Variants in DARS1 observed in about 807,000 individuals in gnomAD.
DARS1 encodes the protein aspartyl-tRNA synthetase 1, also known as aspartate--tRNA ligase, cytoplasmic.
In DARS1, 51 loss-of-function variants were observed where a neutral mutation model predicts 68.8. That is an observed-to-expected ratio of 0.74 (90% CI 0.59 to 0.94). The LOEUF (loss-of-function observed/expected upper bound fraction) is 0.94, where lower values mean the gene tolerates loss of function less well. Ranked by LOEUF, DARS1 falls within the 40% of genes least tolerant of loss-of-function variation. The pLI is 0.00. For missense variants in DARS1, 607 were observed against 597.3 expected (o/e 1.02, Z -0.17); for synonymous variants, 203 against 190.4 (o/e 1.07, Z -0.55).
intron 4 of DARS1, among the ~76,000 whole-genome samples, chr2:135,947,934 T>C (rs1681763339): frequency 6.6e-6 from 1 of 152,218 alleles, no homozygotes; most frequent in Non-Finnish European, 1.5e-5. Context: ...CTGATGTATC[T>C]TGATGTTTTG....
At chr2:135,955,465 G>C (rs1681951071) in intron 4 of DARS1, among the ~76,000 whole-genome samples, 1 of 151,958 alleles carries the variant, frequency 6.6e-6, no homozygotes, top group Admixed American at 6.6e-5. Context: ...CCATAAAGTT[G>C]TCACACACCA....
At chr2:135,924,356 T>G in intron 8 of DARS1, 31 bp downstream of exon 8, 1 of 1,551,768 alleles carries the variant, frequency 6.4e-7, no homozygotes, top group Non-Finnish European at 8.6e-7. Context: ...AATTTATTTT[T>G]AAAAATTAAG....
chr2:135,943,515 T>C (rs768864891), intron 4 of DARS1, 35 bp from the exon 5 acceptor site: 24 of 1,603,648 alleles, frequency 1.5e-5, no homozygotes, highest in Non-Finnish European at 2.0e-5. Flanking sequence ...TTGAATCATC[T>C]CATCAGAGGT....
Position 135,911,581 on chromosome 2 carries a change from G to A in DARS1, c.1231-88C>T, listed in dbSNP as rs1309874243. 9 of 668,844 alleles carry A rather than the reference G, an allele frequency of 1.3e-5. No individual in the cohort carries two copies. In the Admixed American group the frequency reaches 1.6e-4, roughly 12 times the overall value. The allele number at this position is 668,844 out of a possible 1,614,324, so 41.4% of individuals were successfully genotyped here. On this transcript the variant is annotated intron_variant, in intron 13 of 15. Coordinates refer to ENST00000264161, the MANE Select transcript of DARS1 (RefSeq NM_001349.4). Reference sequence around the variant, plus strand: ...GAAAAAAATCTCTGCTGCATGAAGAGCAAGTTCATTTTTTCCTACAATTAA... The same window carrying A: ...GAAAAAAATCTCTGCTGCATGAAGAACAAGTTCATTTTTTCCTACAATTAA...
chr2:135,957,381 C>G lies in DARS1; in HGVS notation c.320+4015G>C, dbSNP rs536523472. Among the ~76,000 whole-genome samples the G allele has an allele frequency of 7.9e-5, 12 of 152,312 alleles. 1 individual carries two copies. In the South Asian group the frequency reaches 2.1e-3, roughly 26 times the overall value. On this transcript the variant is annotated intron_variant, in intron 4 of 15. Transcript: ENST00000264161. ...TAGCTGGGACTACATGTGCCCGCCA[C>G]CATGCCTGGCTAATTTTTTGTATTT...
At chr2:135,957,363 G>C (rs1181392235) in intron 4 of DARS1, among the ~76,000 whole-genome samples, 4 of 152,058 alleles carry the variant, frequency 2.6e-5, no homozygotes, top group Non-Finnish European at 5.9e-5. Context: ...GAGTAGCTGG[G>C]ACTACATGTG....
At chr2:135,937,656 T>TC (rs1681499996) in intron 5 of DARS1, among the ~76,000 whole-genome samples, 1 of 152,208 alleles carries the variant, frequency 6.6e-6, no homozygotes, top group Admixed American at 6.5e-5. Flanking sequence ...GTTTAGTGCC[T>TC]CCTTCAGGAG....
At position 135,977,483 on chromosome 2, in the gene DARS1, T is replaced by G. The variant is rs548737104; in HGVS notation, c.217+1791A>C. Among the ~76,000 whole-genome samples the G allele has an allele frequency of 1.1e-4, 17 of 152,312 alleles. No individual in the cohort carries two copies. The East Asian group carries it at 3.3e-3, about 29-fold the overall frequency. On this transcript the variant is annotated intron_variant, in intron 3 of 15. Coordinates refer to ENST00000264161, the MANE Select transcript of DARS1 (RefSeq NM_001349.4). Reference sequence around the variant, plus strand: ...GTTCAGGCTTACTTGTAGCATGCATTCTATCTTTTAATTTGCTAAATTACT... The same window carrying G: ...GTTCAGGCTTACTTGTAGCATGCATGCTATCTTTTAATTTGCTAAATTACT...
rs1341466514 is a variant in DARS1, at chr2:135,911,116, T to C, written c.1414+23A>G. On this transcript the variant is annotated intron_variant, in intron 15 of 15. Coordinates refer to ENST00000264161, the MANE Select transcript of DARS1 (RefSeq NM_001349.4). Reference sequence around the variant, plus strand: ...TATACTTAGAACTTATGAACTTATTTGTAAGCAATAACAGAATATTACCAA... The same window carrying C: ...TATACTTAGAACTTATGAACTTATTCGTAAGCAATAACAGAATATTACCAA... 3 of 1,055,694 alleles carry C rather than the reference T, an allele frequency of 2.8e-6. No individual in the cohort carries two copies. The African/African-American group carries it at 4.7e-5, about 17-fold the overall frequency. 65.4% of individuals were successfully genotyped at this position (1,055,694 alleles called of 1,614,324 possible).
At chr2:135,919,137 T>A (rs1281858205) in intron 10 of DARS1, among the ~76,000 whole-genome samples, 1 of 152,252 alleles carries the variant, frequency 6.6e-6, no homozygotes, top group East Asian at 1.9e-4. Flanking sequence ...TTCAAGTGAT[T>A]CCCCTGCCTC....
intron 8 of DARS1, among the ~76,000 whole-genome samples, chr2:135,923,242 A>G (rs1681142516): frequency 6.6e-6 from 1 of 152,026 alleles, no homozygotes; most frequent in South Asian, 2.1e-4. Flanking sequence ...TATATTCTTC[A>G]TCATTTTTCC....
chr2:135,908,021 A>G (rs1680823989), intron 15 of DARS1, among the ~76,000 whole-genome samples: 2 of 152,334 alleles, frequency 1.3e-5, no homozygotes, highest in South Asian at 4.1e-4. Context: ...TATTGATAGG[A>G]AACAAGTTAC....
At chr2:135,967,734 A>T (rs1682269164) in intron 3 of DARS1, among the ~76,000 whole-genome samples, 1 of 152,122 alleles carries the variant, frequency 6.6e-6, no homozygotes, top group Non-Finnish European at 1.5e-5. Flanking sequence ...TAGGATTTTG[A>T]CACTTCCATT....
intron 5 of DARS1, among the ~76,000 whole-genome samples, chr2:135,935,767 A>C (rs1476810178): frequency 6.6e-6 from 1 of 152,110 alleles, no homozygotes; most frequent in Non-Finnish European, 1.5e-5. Flanking sequence ...GTTAACCCAA[A>C]CTATGTCTGG....
intron 3 of DARS1, among the ~76,000 whole-genome samples, chr2:135,970,034 G>A (rs1397462805): frequency 6.6e-6 from 1 of 152,114 alleles, no homozygotes; most frequent in African/African-American, 2.4e-5. Flanking sequence ...GTCTTCTTGT[G>A]CTTCCGAACT....
Position 135,920,622 on chromosome 2 carries a change from T to G in DARS1, c.812-22A>C, listed in dbSNP as rs755273261. The G allele has an allele frequency of 3.2e-6, 5 of 1,561,306 alleles. No homozygotes were observed. In the East Asian group the frequency reaches 1.1e-4, roughly 36 times the overall value. ...AATACTGTGAAGTTAATAAAAGAAA[T>G]AGAGAGCAAACACTGATTTCAATTT... On this transcript the variant is annotated intron_variant, in intron 9 of 15. Coordinates refer to ENST00000264161, the MANE Select transcript of DARS1 (RefSeq NM_001349.4).
intron 4 of DARS1, among the ~76,000 whole-genome samples, chr2:135,951,760 AC>A (rs1432111610): frequency 6.6e-6 from 1 of 152,240 alleles, no homozygotes; most frequent in Admixed American, 6.5e-5. Flanking sequence ...ATCTGGTGTT[AC>A]AACTTTCCCT....
At chr2:135,958,355 A>T (rs956458147) in intron 4 of DARS1, among the ~76,000 whole-genome samples, 1 of 152,232 alleles carries the variant, frequency 6.6e-6, no homozygotes, top group African/African-American at 2.4e-5. Flanking sequence ...TAAATGTATG[A>T]AAGCTACCTT....
intron 8 of DARS1, 73 bp downstream of exon 8, chr2:135,924,314 T>G: frequency 2.1e-6 from 3 of 1,419,980 alleles, no homozygotes; most frequent in Non-Finnish European, 2.8e-6. Flanking sequence ...AGTTAAAAAT[T>G]TTATTAATAT....
Sources: allele counts gnomAD v4.1 joint callset (sites outside exome capture counted in the v4.1 genomes callset), GRCh38; gene constraint gnomAD v4.1.1; transcripts MANE v1.5; gene names NCBI Gene and HGNC (gene_info 2026-07-23, HGNC 2026-07-21).